The following ELL variants were observed in gnomAD, a reference collection of about 807,000 sequenced individuals.
The protein encoded by ELL is elongation factor for RNA polymerase II, also known as RNA polymerase II elongation factor ELL.
Under a neutral mutation model 64.0 loss-of-function variants are expected in ELL, and 18 were observed. That is an observed-to-expected ratio of 0.28 (90% CI 0.19 to 0.42). ELL has a LOEUF of 0.42. Among genes scored for constraint, ELL ranks in the 10% least tolerant of loss-of-function variants. The pLI, the probability that ELL is intolerant of heterozygous loss-of-function variation, is 1.00. For missense variants in ELL, 797 were observed against 870.4 expected (o/e 0.92, Z 1.06); for synonymous variants, 399 against 376.2 (o/e 1.06, Z -0.70).
intron 1 of ELL, among the ~76,000 whole-genome samples, chr19:18,494,113 TTC>T (rs1222359348): frequency 1.3e-5 from 2 of 152,102 alleles, no homozygotes; most frequent in African/African-American, 2.4e-5. Flanking sequence ...AAAAAAAAGT[TTC>T]TGTTTGGAGA....
At chr19:18,505,170 C>T (rs371068513) in intron 1 of ELL, among the ~76,000 whole-genome samples, 4 of 152,138 alleles carry the variant, frequency 2.6e-5, no homozygotes, top group East Asian at 1.9e-4. Context: ...GCCACTGTCC[C>T]GTAGCCCCCA....
At chr19:18,495,181 T>TGAGCCGA (rs1237927054) in intron 1 of ELL, among the ~76,000 whole-genome samples, 2 of 152,126 alleles carry the variant, frequency 1.3e-5, no homozygotes, top group African/African-American at 2.4e-5. Context: ...TAGGGACCAC[T>TGAGCCGA]GAGCCGAGAG....
intron 1 of ELL, among the ~76,000 whole-genome samples, chr19:18,484,744 G>A (rs1183877627): frequency 6.6e-6 from 1 of 152,178 alleles, no homozygotes; most frequent in Non-Finnish European, 1.5e-5. Context: ...AGGAGTGCAA[G>A]AGTTTGGTGG....
chr19:18,464,735 C>T (rs1025560086), intron 4 of ELL, among the ~76,000 whole-genome samples: 5 of 152,236 alleles, frequency 3.3e-5, no homozygotes, highest in African/African-American at 1.2e-4. Context: ...CCTACTCCTG[C>T]CGTAATGAGT....
At chr19:18,469,706 G>A (rs943417499) in intron 2 of ELL, among the ~76,000 whole-genome samples, 2 of 152,268 alleles carry the variant, frequency 1.3e-5, no homozygotes, top group African/African-American at 4.8e-5. Flanking sequence ...CATCCTAGGC[G>A]CTTCCGCAGG....
intron 1 of ELL, among the ~76,000 whole-genome samples, chr19:18,517,305 T>C (rs1976150499): frequency 6.6e-6 from 1 of 152,178 alleles, no homozygotes; most frequent in Admixed American, 6.5e-5. Context: ...TTACCCAGGC[T>C]GGAGTGCAGT....
chr19:18,476,327 C>T (rs1483101224), intron 1 of ELL, among the ~76,000 whole-genome samples: 1 of 152,212 alleles, frequency 6.6e-6, no homozygotes, highest in Admixed American at 6.5e-5. Context: ...GGGATGAGGG[C>T]TCAGAAAACA....
chr19:18,520,957 G>A lies in ELL; in HGVS notation c.135+964C>T, dbSNP rs1976255004. Among the ~76,000 whole-genome samples the A allele has an allele frequency of 1.3e-5, 2 of 152,012 alleles. 1 individual carries two copies. The highest frequency in any genetic ancestry group is 1.3e-4 in the Admixed American group (2 of 15,252). Reference sequence around the variant, plus strand: ...CATGACACAAACAGAAATGAAAAAGGCAGGTTTCTGACCACGGCCCCAGAT... The same window carrying A: ...CATGACACAAACAGAAATGAAAAAGACAGGTTTCTGACCACGGCCCCAGAT... On this transcript the variant is annotated intron_variant, in intron 1 of 11. Coordinates refer to ENST00000262809, the MANE Select transcript of ELL (RefSeq NM_006532.4).
chr19:18,468,207 CCA>C lies in ELL; in HGVS notation c.184-2291_184-2290del, dbSNP rs535682545. 1.7e-3 allele frequency among the ~76,000 whole-genome samples: 245 copies of C among 140,006 alleles called. No individual in the cohort carries two copies. In the Middle Eastern group the frequency reaches 0.021, roughly 12 times the overall value. The allele number at this position is 140,006 out of a possible 152,430, so 91.8% of individuals were successfully genotyped here. A position where few individuals can be genotyped will look rare whatever the true frequency, so the allele number is the denominator to read the frequency against. On this transcript the variant is annotated intron_variant, in intron 2 of 11. Transcript: ENST00000262809. ...ACCACAACCCACACAAACACAACCCCCACACACACAAACAATCCATACACACA... is the reference window on the plus strand; with the variant it reads ...ACCACAACCCACACAAACACAACCCCCACACACAAACAATCCATACACACA...
intron 10 of ELL, 117 bp downstream of exon 10, chr19:18,446,192 T>C: frequency 7.8e-7 from 1 of 1,274,876 alleles, no homozygotes; most frequent in South Asian, 1.6e-5. Flanking sequence ...GGAGAAGCGC[T>C]GCCTGGGGAA....
rs1306437283 is a variant in ELL at position 18,450,627 on chromosome 19, G to C, written c.1315C>G (p.Pro439Ala). Residue 439 changes from proline to alanine, a missense_variant, in exon 8 of 12, where the codon CCA becomes GCA. Physicochemically the swap from Pro to Ala is conservative, Grantham distance 27. Transcript: ENST00000262809. ...TTGCTGCGCGAGGGGCTGCCGTGTG[G>C]CCTGCTGGGCTGGGCACAGTCCGTC... is the stretch of plus-strand genomic sequence containing the variant. ...LLTDCAQPSR[P>A]HGSPSRSKPK... 2 of 1,608,412 alleles carry C rather than the reference G, an allele frequency of 1.2e-6. No homozygotes were observed. Among genetic ancestry groups the C allele is most frequent in the African/African-American group, 2.7e-5 (2 of 74,840 alleles).
chr19:18,493,760 A>C (rs535208061), intron 1 of ELL, among the ~76,000 whole-genome samples: 23 of 152,326 alleles, frequency 1.5e-4, no homozygotes, highest in African/African-American at 5.3e-4. Flanking sequence ...AAAGTGGCCT[A>C]CAGGCCCACC....
At chr19:18,520,903 G>A (rs1976253540) in intron 1 of ELL, among the ~76,000 whole-genome samples, 1 of 151,860 alleles carries the variant, frequency 6.6e-6, no homozygotes, top group Non-Finnish European at 1.5e-5. Context: ...TGCAACTTCT[G>A]ACCCAGCACA....
rs149377511 is a variant in ELL at position 18,517,772 on chromosome 19, G to A, written c.135+4149C>T. 1.8e-4 allele frequency among the ~76,000 whole-genome samples: 26 copies of A among 148,496 alleles called. 1 individual carries two copies. The East Asian group carries it at 2.8e-3, about 16-fold the overall frequency. On this transcript the variant is annotated intron_variant, in intron 1 of 11. Transcript: ENST00000262809. Reference sequence around the variant, plus strand: ...CACAATGGCTCATGCCTGTAGTCCCGGCACTCTGGGCAGCTGAGGTGGGAA... The same window carrying A: ...CACAATGGCTCATGCCTGTAGTCCCAGCACTCTGGGCAGCTGAGGTGGGAA...
chr19:18,506,507 G>C (rs577458424), intron 1 of ELL, among the ~76,000 whole-genome samples: 8 of 152,344 alleles, frequency 5.3e-5, no homozygotes, highest in African/African-American at 1.7e-4. Context: ...CAGGAAGTTC[G>C]TTTGAGGTCA....
At chr19:18,454,165 T>G (rs1974601536) in intron 6 of ELL, among the ~76,000 whole-genome samples, 1 of 152,224 alleles carries the variant, frequency 6.6e-6, no homozygotes, top group South Asian at 2.1e-4. Flanking sequence ...ATGACTTGTG[T>G]TACATGAACT....
intron 1 of ELL, among the ~76,000 whole-genome samples, chr19:18,509,394 A>C (rs1348788314): frequency 6.6e-6 from 1 of 152,068 alleles, no homozygotes; most frequent in East Asian, 1.9e-4. Flanking sequence ...GGAGGAGACA[A>C]GGCCACCCCA....
chr19:18,521,876 C>A, intron 1 of ELL, 45 bp downstream of exon 1: 1 of 1,537,212 alleles, frequency 6.5e-7, no homozygotes, highest in Non-Finnish European at 8.8e-7. Context: ...GGCCGGCCCG[C>A]GTCCGGACGT....
Position 18,479,451 on chromosome 19 carries a change from G to A in ELL, c.136-6569C>T, listed in dbSNP as rs186889108. Reference sequence around the variant, plus strand: ...TGGCCAGGCATGGTACCTCACACCTGTAATCCCAGCATTTTGGGAGGCTGA... The same window carrying A: ...TGGCCAGGCATGGTACCTCACACCTATAATCCCAGCATTTTGGGAGGCTGA... On this transcript the variant is annotated intron_variant, in intron 1 of 11. Transcript: ENST00000262809. 3.1e-3 allele frequency among the ~76,000 whole-genome samples: 466 copies of A among 152,298 alleles called. 1 individual carries two copies. The highest frequency in any genetic ancestry group is 0.01 in the African/African-American group (436 of 41,544).
Sources: allele counts gnomAD v4.1 joint callset (sites outside exome capture counted in the v4.1 genomes callset), GRCh38; gene constraint gnomAD v4.1.1; transcripts MANE v1.5; gene names NCBI Gene and HGNC (gene_info 2026-07-23, HGNC 2026-07-21).